The following ITPRID1 variants were observed in gnomAD, a reference collection of about 807,000 sequenced individuals.
The protein encoded by ITPRID1 is protein ITPRID1.
ITPRID1 carries 96 observed loss-of-function variants against 95.4 expected under a neutral mutation model. That is an observed-to-expected ratio of 1.01 (90% CI 0.85 to 1.19). The LOEUF (loss-of-function observed/expected upper bound fraction) is 1.19. Among genes scored for constraint, ITPRID1 ranks in the 50% most tolerant of loss-of-function variants. ITPRID1 has a pLI of 0.00. For synonymous variants in ITPRID1, 510 were observed against 453.6 expected (o/e 1.12, Z -1.58); for missense variants, 1,339 against 1,252.9 (o/e 1.07, Z -1.04).
intron 8 of ITPRID1, among the ~76,000 whole-genome samples, chr7:31,577,630 A>G (rs1785232011): frequency 6.6e-6 from 1 of 152,220 alleles, no homozygotes; most frequent in East Asian, 1.9e-4. Context: ...TGCGTATTCA[A>G]CTAAATACAA....
At chr7:31,599,690 C>CTCTCTCTCTCTCTCTCTCTCTT (rs1180791810) in intron 10 of ITPRID1, among the ~76,000 whole-genome samples, 3 of 106,712 alleles carry the variant, frequency 2.8e-5, no homozygotes, top group African/African-American at 1.3e-4. Context: ...CTCTCTCTCT[C>CTCTCTCTCTCTCTCTCTCTCTT]TCTTTCTTTC....
At chr7:31,606,092 G>C (rs1034248755) in intron 10 of ITPRID1, among the ~76,000 whole-genome samples, 6 of 152,128 alleles carry the variant, frequency 3.9e-5, no homozygotes, top group African/African-American at 1.4e-4. Flanking sequence ...AAAATGTATA[G>C]AGTTGGTCTA....
At chr7:31,658,354 AAAGACTT>A, downstream of ITPRID1, 3 of 1,521,294 alleles carry the variant, frequency 2.0e-6, no homozygotes, top group Non-Finnish European at 2.6e-6. Flanking sequence ...AATAAAATCA[AAAGACTT>A]TCTGAAGACA....
chr7:31,580,692 T>C (rs1381969600), intron 9 of ITPRID1, among the ~76,000 whole-genome samples: 1 of 152,160 alleles, frequency 6.6e-6, no homozygotes, highest in African/African-American at 2.4e-5. Context: ...ACATGTTTCT[T>C]CGGCACATAG....
At position 31,643,374 on chromosome 7, in the gene ITPRID1, T is replaced by C; in HGVS notation, c.2004T>C (p.His668=). ...CTGAAAAGCTCATTCCCCACCTCCATAAACTGCCTGGAGATCCTGCCCAGG... is the reference window on the plus strand; with the variant it reads ...CTGAAAAGCTCATTCCCCACCTCCACAAACTGCCTGGAGATCCTGCCCAGG... ...QTSEKLIPHL[H]KLPGDPAQVK... The change falls in exon 12 of 15, where the codon CAT becomes CAC. Residue 668 remains histidine, a synonymous_variant. Coordinates refer to ENST00000615280, the MANE Select transcript of ITPRID1 (RefSeq NM_001257967.3). 6.2e-7 allele frequency: 1 copy of C among 1,613,952 alleles called. No homozygotes were observed. The highest frequency in any genetic ancestry group is 1.1e-5 in the South Asian group (1 of 91,082).
At chr7:31,646,926 T>C (rs151289387) in intron 12 of ITPRID1, among the ~76,000 whole-genome samples, 3,439 of 152,320 alleles carry the variant, frequency 0.023, 124 homozygotes, top group African/African-American at 0.078. Context: ...ATACACCTGC[T>C]GAAATGGATG....
rs139971214 is a variant in ITPRID1 at position 31,549,545 on chromosome 7, C to T, written c.-24+46C>T. ...TTTCATTAAATTTTCCCAAAAACTC[C>T]ATAAAGTGTTTATTTCATACTCATT... On this transcript the variant is annotated intron_variant, in intron 2 of 14. Transcript: ENST00000615280. 7.2e-4 allele frequency: 1,006 copies of T among 1,387,706 alleles called. 5 individuals carry two copies. The African/African-American group carries it at 0.013, about 18-fold the overall frequency. 86.0% of individuals were successfully genotyped at this position (1,387,706 alleles called of 1,614,324 possible).
chr7:31,586,051 C>T (rs1231399939), intron 10 of ITPRID1, among the ~76,000 whole-genome samples: 1 of 144,382 alleles, frequency 6.9e-6, no homozygotes, highest in African/African-American at 2.6e-5. Context: ...CATGTGATCT[C>T]ATTGTTCAGT....
chr7:31,537,958 C>T (rs185305842), intron 1 of ITPRID1, among the ~76,000 whole-genome samples: 2 of 152,232 alleles, frequency 1.3e-5, no homozygotes, highest in East Asian at 3.9e-4. Flanking sequence ...CATACATTGT[C>T]ACTATTATTT....
chr7:31,647,650 A>G, intron 12 of ITPRID1, among the ~76,000 whole-genome samples: 1 of 134,906 alleles, frequency 7.4e-6, no homozygotes, highest in African/African-American at 2.8e-5. Context: ...CTCCAGCCTG[A>G]GCAACAGAGA....
intron 10 of ITPRID1, among the ~76,000 whole-genome samples, chr7:31,602,213 C>T (rs2128160368): frequency 6.6e-6 from 1 of 152,198 alleles, no homozygotes; most frequent in Middle Eastern, 3.4e-3. Flanking sequence ...AGTAATTGTA[C>T]TGGGGAGAAG....
At chr7:31,603,446 C>T (rs1313555200) in intron 10 of ITPRID1, among the ~76,000 whole-genome samples, 4 of 151,952 alleles carry the variant, frequency 2.6e-5, no homozygotes, top group African/African-American at 9.7e-5. Flanking sequence ...GGATATTTTG[C>T]AGCCGGCAAT....
intron 1 of ITPRID1, among the ~76,000 whole-genome samples, chr7:31,524,810 A>T (rs1393258597): frequency 6.6e-6 from 1 of 152,208 alleles, no homozygotes; most frequent in African/African-American, 2.4e-5. Flanking sequence ...TTATGAGTCT[A>T]TCTTCATCTT....
chr7:31,562,575 T>A lies in ITPRID1; in HGVS notation c.257-7183T>A, dbSNP rs1726269684. ...AGTAAATCCAAGTAAACATAACAGA[T>A]GTTCCCTTACTGCTTGTCAGGTGAC... is the stretch of plus-strand genomic sequence containing the variant. On this transcript the variant is annotated intron_variant, in intron 5 of 14. Coordinates refer to ENST00000615280, the MANE Select transcript of ITPRID1 (RefSeq NM_001257967.3). Among the ~76,000 whole-genome samples the A allele has an allele frequency of 2.0e-5, 3 of 152,182 alleles. No individual in the cohort carries two copies. The South Asian group carries it at 6.2e-4, about 32-fold the overall frequency.
intron 10 of ITPRID1, among the ~76,000 whole-genome samples, chr7:31,625,573 G>A (rs915905677): frequency 1.2e-4 from 18 of 152,074 alleles, no homozygotes; most frequent in African/African-American, 4.1e-4. Flanking sequence ...ATTGAACAAT[G>A]GGAACACATG....
At chr7:31,571,900 C>G (rs1785002535) in intron 6 of ITPRID1, among the ~76,000 whole-genome samples, 1 of 152,282 alleles carries the variant, frequency 6.6e-6, no homozygotes, top group African/African-American at 2.4e-5. Context: ...TAAATTCTTA[C>G]ACCTTCTATA....
At chr7:31,618,117 C>A (rs1002599984) in intron 10 of ITPRID1, among the ~76,000 whole-genome samples, 1 of 152,186 alleles carries the variant, frequency 6.6e-6, no homozygotes, top group African/African-American at 2.4e-5. Flanking sequence ...CCTCTTGGTG[C>A]CCATCATTGT....
rs1337489228 is a variant in ITPRID1, at chr7:31,550,840, A to C, written c.-24+1341A>C. Among the ~76,000 whole-genome samples the C allele has an allele frequency of 9.8e-5, 14 of 142,788 alleles. 3 individuals are homozygous for C. The highest frequency in any genetic ancestry group is 1.9e-4 in the Non-Finnish European group (12 of 63,402). 93.7% of individuals were successfully genotyped at this position (142,788 alleles called of 152,430 possible). A position where few individuals can be genotyped will look rare whatever the true frequency, so the allele number is the denominator to read the frequency against. On this transcript the variant is annotated intron_variant, in intron 2 of 14. Coordinates refer to ENST00000615280, the MANE Select transcript of ITPRID1 (RefSeq NM_001257967.3). ...AAGTATGCCATTCATTATAAGATGG[A>C]AGTTTGGGGACGTACAAATAAAGCA...
At chr7:31,625,235 A>G (rs931537066) in intron 10 of ITPRID1, among the ~76,000 whole-genome samples, 3 of 151,488 alleles carry the variant, frequency 2.0e-5, no homozygotes, top group African/African-American at 7.3e-5. Flanking sequence ...GGGATCTAGA[A>G]TTACAAATAC....
Sources: gnomAD v4.1 joint callset for allele counts (sites outside exome capture counted in the v4.1 genomes callset) on GRCh38, gnomAD v4.1.1 for gene constraint, MANE v1.5 for transcripts, NCBI Gene and HGNC (gene_info 2026-07-23, HGNC 2026-07-21) for gene names.